Variants in ESRRG observed in about 807,000 individuals in gnomAD.
ESRRG encodes estrogen related receptor gamma.
In ESRRG, 13 loss-of-function variants were observed where a neutral mutation model predicts 44.0. The ratio of observed to expected loss-of-function variants is 0.30; its 90% CI spans 0.19 to 0.47. ESRRG has a LOEUF of 0.47. ESRRG is among the 20% of genes least tolerant of loss of function. The probability of loss-of-function intolerance (pLI) is 1.00; values close to 1 mark genes in which losing one functional copy is unlikely to be tolerated. For synonymous variants in ESRRG, 215 were observed against 214.6 expected, an observed-to-expected ratio of 1.00 and a Z score of -0.02; for missense variants, 395 against 580.6, an observed-to-expected ratio of 0.68 and a Z score of 3.29.
intron 1 of ESRRG, among the ~76,000 whole-genome samples, chr1:217,135,218 C>G (rs1179298411): frequency 2.0e-5 from 3 of 151,820 alleles, no homozygotes; most frequent in Non-Finnish European, 1.5e-5. Context: ...CTAGGGCCAG[C>G]TCGGGCACGC....
At chr1:217,104,740 G>A (rs1225801269) in intron 1 of ESRRG, among the ~76,000 whole-genome samples, 1 of 151,954 alleles carries the variant, frequency 6.6e-6, no homozygotes, top group Non-Finnish European at 1.5e-5. Context: ...AAAAAGAGGG[G>A]GAAAGAAACA....
chr1:217,033,346 C>T (rs958170744), intron 1 of ESRRG, among the ~76,000 whole-genome samples: 2 of 152,138 alleles, frequency 1.3e-5, no homozygotes, highest in Non-Finnish European at 2.9e-5. Flanking sequence ...CCTCTCCACC[C>T]CTGTGAGTTC....
intron 2 of ESRRG, among the ~76,000 whole-genome samples, chr1:216,752,449 G>T (rs931848253): frequency 6.6e-6 from 1 of 152,076 alleles, no homozygotes; most frequent in Non-Finnish European, 1.5e-5. Flanking sequence ...TAGTGAAGTT[G>T]ATAAAATGCC....
chr1:216,506,836 A>AT lies in ESRRG; in HGVS notation c.*102dup. On this transcript the variant is annotated 3_prime_UTR_variant, in exon 7 of 7. Coordinates refer to ENST00000408911, the MANE Select transcript of ESRRG (RefSeq NM_001438.4). ...GCTAAATTATCAGTGCAGTCTGTTG[A>AT]TTTTTGATGTTGTTAACTAAACTCT... 1 of 1,333,134 alleles carries AT rather than the reference A, an allele frequency of 7.5e-7. No individual in the cohort carries two copies. The allele number at this position is 1,333,134 out of a possible 1,614,324, so 82.6% of individuals were successfully genotyped here. A position where few individuals can be genotyped will look rare whatever the true frequency, so the allele number is the denominator to read the frequency against.
At chr1:217,107,313 G>A (rs1022884273) in intron 1 of ESRRG, among the ~76,000 whole-genome samples, 2 of 152,088 alleles carry the variant, frequency 1.3e-5, no homozygotes, top group Non-Finnish European at 2.9e-5. Flanking sequence ...TTTCTGCTTT[G>A]GATTAACAGT....
intron 1 of ESRRG, among the ~76,000 whole-genome samples, chr1:217,062,750 G>A (rs1360377391): frequency 3.9e-5 from 6 of 152,124 alleles, no homozygotes; most frequent in Admixed American, 2.6e-4. Context: ...AGGTACAAAC[G>A]AATACCTCCC....
At chr1:216,719,713 G>A (rs2085772126) in intron 1 of ESRRG, among the ~76,000 whole-genome samples, 1 of 151,904 alleles carries the variant, frequency 6.6e-6, no homozygotes, top group African/African-American at 2.4e-5. Flanking sequence ...CTTATTTGGG[G>A]AAAACACTAG....
intron 1 of ESRRG, among the ~76,000 whole-genome samples, chr1:216,698,284 G>A (rs1180487040): frequency 6.6e-6 from 1 of 152,054 alleles, no homozygotes; most frequent in Admixed American, 6.5e-5. Flanking sequence ...TTGGGAGGCC[G>A]AGGCAGGTGG....
intron 2 of ESRRG, among the ~76,000 whole-genome samples, chr1:216,808,074 G>A (rs374569908): frequency 1.6e-4 from 25 of 152,242 alleles, no homozygotes; most frequent in African/African-American, 4.6e-4. Context: ...CTTAACCTCC[G>A]TTCCAGTGTG....
intron 1 of ESRRG, among the ~76,000 whole-genome samples, chr1:217,111,810 T>A (rs2092664213): frequency 6.6e-6 from 1 of 152,204 alleles, no homozygotes; most frequent in Admixed American, 6.5e-5. Flanking sequence ...AACTGTGTGC[T>A]CTTCCTCTCA....
At chr1:216,672,673 G>A (rs2075405879) in intron 2 of ESRRG, among the ~76,000 whole-genome samples, 1 of 152,038 alleles carries the variant, frequency 6.6e-6, no homozygotes, top group South Asian at 2.1e-4. Context: ...TTTGAGACCA[G>A]CCTGGGCAAC....
At chr1:216,644,082 C>G (rs1259455299) in intron 3 of ESRRG, among the ~76,000 whole-genome samples, 1 of 152,160 alleles carries the variant, frequency 6.6e-6, no homozygotes, top group African/African-American at 2.4e-5. Context: ...GGGCCGTGGG[C>G]AAGTCACTAA....
intron 2 of ESRRG, among the ~76,000 whole-genome samples, chr1:216,757,728 T>C (rs1242273282): frequency 1.3e-5 from 2 of 152,044 alleles, no homozygotes; most frequent in Non-Finnish European, 2.9e-5. Context: ...TAGAGAGATA[T>C]AGTCCTGTCT....
chr1:216,708,198 G>GA (rs567356484), intron 1 of ESRRG, among the ~76,000 whole-genome samples: 15 of 149,260 alleles, frequency 1.0e-4, no homozygotes, highest in Admixed American at 8.0e-4. Context: ...CAAAGTCTCA[G>GA]AAAAAAAAGC....
At chr1:216,938,889 A>C (rs2064642230) in intron 2 of ESRRG, among the ~76,000 whole-genome samples, 1 of 152,232 alleles carries the variant, frequency 6.6e-6, no homozygotes, top group African/African-American at 2.4e-5. Flanking sequence ...CTCGTATGAT[A>C]GTCATTACAA....
chr1:216,516,636 T>TACACACACACACACAC (rs779496209), intron 6 of ESRRG, among the ~76,000 whole-genome samples: 5,779 of 130,190 alleles, frequency 0.044, 230 homozygotes, highest in East Asian at 0.14. Flanking sequence ...CACACACACA[T>TACACACACACACACAC]ACACACACAC....
At chr1:216,790,790 T>C (rs1360752358) in intron 2 of ESRRG, among the ~76,000 whole-genome samples, 3 of 152,116 alleles carry the variant, frequency 2.0e-5, no homozygotes, top group Non-Finnish European at 4.4e-5. Context: ...TTCATCCTCT[T>C]TATCCATGTT....
intron 5 of ESRRG, among the ~76,000 whole-genome samples, chr1:216,534,716 GT>G (rs1417287666): frequency 1.3e-5 from 2 of 152,076 alleles, no homozygotes; most frequent in African/African-American, 4.8e-5. Flanking sequence ...TCCATAAGTT[GT>G]TTTACACATA....
At chr1:216,862,711 A>C (rs2096073544) in intron 2 of ESRRG, 1 of 152,186 alleles carries the variant, frequency 6.6e-6, no homozygotes, top group African/African-American at 2.4e-5. Context: ...GGCAAAAAGC[A>C]GATAAGTGAT....
Sources: allele counts gnomAD v4.1 joint callset (sites outside exome capture counted in the v4.1 genomes callset), GRCh38; gene constraint gnomAD v4.1.1; transcripts MANE v1.5; gene names NCBI Gene and HGNC (gene_info 2026-07-23, HGNC 2026-07-21).